Variants in SEM1 observed in about 807,000 individuals in gnomAD.
The protein encoded by SEM1 is 26S proteasome complex subunit SEM1.
A neutral mutation model predicts 12.7 loss-of-function variants in SEM1; 3 were observed. That is an observed-to-expected ratio of 0.24 (90% CI 0.11 to 0.61). The LOEUF (loss-of-function observed/expected upper bound fraction) is 0.61, where lower values mean the gene tolerates loss of function less well. Ranked by LOEUF, SEM1 falls within the 20% of genes least tolerant of loss-of-function variation. SEM1 has a pLI of 0.88. For synonymous variants in SEM1, 30 were observed against 27.8 expected (o/e 1.08, Z -0.25); for missense variants, 59 against 81.3 (o/e 0.73, Z 1.06).
chr7:96,505,353 C>T (rs937506945), intron 3 of SEM1, among the ~76,000 whole-genome samples: 2 of 152,108 alleles, frequency 1.3e-5, no homozygotes, highest in African/African-American at 4.8e-5. Flanking sequence ...ATCCACCCAC[C>T]TCAGCCTCCC....
chr7:96,586,518 C>T (rs571186228), intron 2 of SEM1, among the ~76,000 whole-genome samples: 1 of 152,330 alleles, frequency 6.6e-6, no homozygotes, highest in African/African-American at 2.4e-5. Context: ...TCTCAATCCA[C>T]ACTGGGTCTG....
chr7:96,640,527 G>T lies in SEM1; in HGVS notation c.171-17884C>A, dbSNP rs1018758106. ...TATATGACATTCTGGAAAAGCCAAA[G>T]CTATGGAGACAGTGAAAACTTTAGT... On this transcript the variant is annotated intron_variant, in intron 2 of 2. Coordinates refer to the SEM1 transcript ENST00000417009. This position sits in a 1 kb window ranked among gnomAD's most constrained non-coding sequence, Gnocchi z 4.0. Among the ~76,000 whole-genome samples the T allele has an allele frequency of 2.6e-5, 4 of 151,966 alleles. No homozygotes were observed. Among genetic ancestry groups the T allele is most frequent in the African/African-American group, 9.7e-5 (4 of 41,412 alleles).
intron 2 of SEM1, among the ~76,000 whole-genome samples, chr7:96,582,805 G>A (rs1806463425): frequency 6.6e-6 from 1 of 152,148 alleles, no homozygotes; most frequent in Non-Finnish European, 1.5e-5. Flanking sequence ...ATTTCTGTGG[G>A]ATCGGTGGTG....
chr7:96,623,424 TTCTC>T (rs1238093621), intron 2 of SEM1, among the ~76,000 whole-genome samples: 6 of 148,732 alleles, frequency 4.0e-5, no homozygotes, highest in African/African-American at 7.3e-5. Flanking sequence ...TTTCTTCTTC[TTCTC>T]TCTCTATATA....
chr7:96,524,297 A>C (rs80082409), intron 2 of SEM1, among the ~76,000 whole-genome samples: 1,593 of 152,212 alleles, frequency 0.01, 34 homozygotes, highest in African/African-American at 0.036. Flanking sequence ...AAAGATATAG[A>C]CCAAAGCTGC....
At chr7:96,679,448 T>C (rs997409264) in intron 2 of SEM1, among the ~76,000 whole-genome samples, 7 of 152,068 alleles carry the variant, frequency 4.6e-5, no homozygotes, top group African/African-American at 1.4e-4. Flanking sequence ...AACCCTAACA[T>C]AGACAAAAGC....
At chr7:96,560,109 A>ACGTAG (rs879688476) in intron 2 of SEM1, among the ~76,000 whole-genome samples, 228 of 152,348 alleles carry the variant, frequency 1.5e-3, no homozygotes, top group Non-Finnish European at 2.6e-3. Context: ...AGGTTGCTTC[A>ACGTAG]GATTCCTATT....
At chr7:96,515,627 A>G (rs1488904500) in intron 2 of SEM1, among the ~76,000 whole-genome samples, 1 of 152,208 alleles carries the variant, frequency 6.6e-6, no homozygotes, top group African/African-American at 2.4e-5. Flanking sequence ...GAACCAACCT[A>G]AATGTCCATC....
chr7:96,605,888 C>G (rs1476788281), intron 2 of SEM1, among the ~76,000 whole-genome samples: 1 of 152,152 alleles, frequency 6.6e-6, no homozygotes, highest in East Asian at 1.9e-4. Flanking sequence ...CTCACACTAT[C>G]CTGCTCCATC....
intron 2 of SEM1, among the ~76,000 whole-genome samples, chr7:96,644,717 C>G (rs1453483120): frequency 6.6e-6 from 1 of 152,150 alleles, no homozygotes; most frequent in Non-Finnish European, 1.5e-5. Context: ...CACTCACAGA[C>G]AAGACTCTGT....
chr7:96,639,232 G>A (rs1808518203), intron 2 of SEM1, among the ~76,000 whole-genome samples: 1 of 151,786 alleles, frequency 6.6e-6, no homozygotes, highest in African/African-American at 2.4e-5. Context: ...TAAAAATGAA[G>A]TTAAAAGGGA....
chr7:96,678,144 A>G (rs186528670), intron 2 of SEM1, among the ~76,000 whole-genome samples: 1 of 152,146 alleles, frequency 6.6e-6, no homozygotes, highest in African/African-American at 2.4e-5. Context: ...CCATATTCAA[A>G]ATTGGTGAAA....
At chr7:96,578,628 G>C (rs935326237) in intron 2 of SEM1, among the ~76,000 whole-genome samples, 2 of 152,216 alleles carry the variant, frequency 1.3e-5, no homozygotes, top group African/African-American at 2.4e-5. Flanking sequence ...AAGGGAGAAT[G>C]CTAAGACAAG....
chr7:96,607,801 G>C (rs1186285215), intron 2 of SEM1, among the ~76,000 whole-genome samples: 2 of 152,078 alleles, frequency 1.3e-5, no homozygotes, highest in Non-Finnish European at 2.9e-5. Context: ...TTTACTTTGG[G>C]CTTAGTTTCT....
chr7:96,545,086 C>T (rs1415936852), intron 2 of SEM1, among the ~76,000 whole-genome samples: 1 of 151,892 alleles, frequency 6.6e-6, no homozygotes, highest in East Asian at 1.9e-4. Context: ...CTTCCCTGAC[C>T]CCATGGAAAC....
chr7:96,679,053 T>C (rs1789528188), intron 2 of SEM1, among the ~76,000 whole-genome samples: 1 of 152,114 alleles, frequency 6.6e-6, no homozygotes, highest in East Asian at 1.9e-4. Flanking sequence ...CTTCAATATA[T>C]AAATCAATAG....
intron 2 of SEM1, among the ~76,000 whole-genome samples, chr7:96,553,391 C>T (rs1402166568): frequency 6.7e-6 from 1 of 150,052 alleles, no homozygotes; most frequent in Non-Finnish European, 1.5e-5. Flanking sequence ...AGGAAGGGAT[C>T]CAGTTTCAGC....
chr7:96,484,107 G>A, intron 3 of SEM1: 5 of 995,830 alleles, frequency 5.0e-6, no homozygotes, highest in Non-Finnish European at 7.1e-6. Flanking sequence ...CCCCATTTTA[G>A]AGATGAGAAA....
chr7:96,705,433 T>C (rs1023783604), intron 1 of SEM1, among the ~76,000 whole-genome samples: 29 of 152,078 alleles, frequency 1.9e-4, no homozygotes, highest in African/African-American at 6.5e-4. Flanking sequence ...ACTTGTTCTC[T>C]TCCCTCTTTT....
Sources: allele counts gnomAD v4.1 joint callset (sites outside exome capture counted in the v4.1 genomes callset), GRCh38; gene constraint gnomAD v4.1.1; non-coding constraint Gnocchi (gnomAD v3.1); transcripts MANE v1.5; gene names NCBI Gene and HGNC (gene_info 2026-07-23, HGNC 2026-07-21).